The following GABRA2 variants were observed in gnomAD, a reference collection of about 807,000 sequenced individuals.
GABRA2 encodes gamma-aminobutyric acid receptor subunit alpha-2.
GABRA2 carries 16 observed loss-of-function variants against 48.7 expected under a neutral mutation model. The observed-to-expected ratio is 0.33, with a 90% CI of 0.22 to 0.50. The LOEUF is 0.50. Ranked by LOEUF, GABRA2 falls within the 20% of genes least tolerant of loss-of-function variation. The pLI, the probability that GABRA2 is intolerant of heterozygous loss-of-function variation, is 0.98. For synonymous variants in GABRA2, 185 were observed against 184.5 expected, an observed-to-expected ratio of 1.00 and a Z score of -0.02; for missense variants, 275 against 535.6, an observed-to-expected ratio of 0.51 and a Z score of 4.80.
intron 3 of GABRA2, among the ~76,000 whole-genome samples, chr4:46,348,812 T>C (rs1189627219): frequency 6.7e-6 from 1 of 148,730 alleles, no homozygotes; most frequent in Non-Finnish European, 1.5e-5. Flanking sequence ...CATTAGGAGA[T>C]ATACCTAATG....
At chr4:46,349,721 C>A (rs1734799892) in intron 3 of GABRA2, among the ~76,000 whole-genome samples, 1 of 151,874 alleles carries the variant, frequency 6.6e-6, no homozygotes, top group Admixed American at 6.6e-5. Context: ...ACTTATAACA[C>A]AGAGCTTATT....
chr4:46,298,566 C>T lies in GABRA2; in HGVS notation c.856+4894G>A, dbSNP rs146541391. ...ATTGCTATAGATCACTTTATTGTTC[C>T]TCCACCCACTTATCCGTTATTTATT... is the stretch of plus-strand genomic sequence containing the variant. On this transcript the variant is annotated intron_variant, in intron 8 of 9. Coordinates refer to ENST00000381620, the MANE Select transcript of GABRA2 (RefSeq NM_000807.4). Among the ~76,000 whole-genome samples, 1,069 of 152,018 alleles carry T rather than the reference C, an allele frequency of 7.0e-3. 3 individuals are homozygous for T. The highest frequency in any genetic ancestry group is 0.013 in the Non-Finnish European group (856 of 67,840).
intron 8 of GABRA2, among the ~76,000 whole-genome samples, chr4:46,291,591 C>A (rs1321645408): frequency 6.6e-6 from 1 of 152,000 alleles, no homozygotes; most frequent in Non-Finnish European, 1.5e-5. Flanking sequence ...AAAAGGCTAG[C>A]CTGGCTTAGC....
chr4:46,388,401 T>C (rs780761535), intron 2 of GABRA2, among the ~76,000 whole-genome samples: 7 of 152,232 alleles, frequency 4.6e-5, no homozygotes, highest in Non-Finnish European at 8.8e-5. Flanking sequence ...GATTTTCTTT[T>C]CTTCTGTGAA....
intron 6 of GABRA2, among the ~76,000 whole-genome samples, chr4:46,306,864 A>G (rs1233258506): frequency 6.6e-6 from 1 of 152,080 alleles, no homozygotes; most frequent in East Asian, 1.9e-4. Context: ...TCGCAAATCA[A>G]TTTCCACTCA....
intron 6 of GABRA2, among the ~76,000 whole-genome samples, chr4:46,309,155 C>T (rs1028597372): frequency 4.6e-5 from 7 of 152,048 alleles, no homozygotes; most frequent in Non-Finnish European, 7.4e-5. Context: ...AAATTGAGAC[C>T]TGACACCTTT....
intron 3 of GABRA2, among the ~76,000 whole-genome samples, chr4:46,350,142 T>C (rs548298766): frequency 5.3e-5 from 8 of 152,032 alleles, no homozygotes; most frequent in African/African-American, 1.7e-4. Flanking sequence ...CAGATCTGCA[T>C]TGAAATATTT....
intron 8 of GABRA2, among the ~76,000 whole-genome samples, chr4:46,274,679 CCACAA>C (rs1316687460): frequency 1.3e-5 from 2 of 151,998 alleles, no homozygotes; most frequent in Non-Finnish European, 2.9e-5. Context: ...ACAGAGTTGC[CCACAA>C]ATGTTAAATT....
At chr4:46,322,777 T>G (rs1439994891) in intron 4 of GABRA2, among the ~76,000 whole-genome samples, 1 of 151,986 alleles carries the variant, frequency 6.6e-6, no homozygotes, top group East Asian at 1.9e-4. Context: ...TGAGCCATAA[T>G]GTTTCTGATG....
chr4:46,346,359 G>A (rs1312293136), intron 3 of GABRA2, among the ~76,000 whole-genome samples: 2 of 151,514 alleles, frequency 1.3e-5, no homozygotes, highest in African/African-American at 2.4e-5. Flanking sequence ...TACTGTATTT[G>A]GACAGTCAAC....
intron 8 of GABRA2, among the ~76,000 whole-genome samples, chr4:46,298,361 AC>A (rs1323505155): frequency 2.7e-5 from 4 of 150,808 alleles, no homozygotes; most frequent in Admixed American, 2.6e-4. Flanking sequence ...AAAACTCTTA[AC>A]ATATATTTTT....
intron 8 of GABRA2, among the ~76,000 whole-genome samples, chr4:46,279,008 A>C (rs1434319606): frequency 6.6e-6 from 1 of 151,706 alleles, no homozygotes; most frequent in Non-Finnish European, 1.5e-5. Context: ...ATTATATACT[A>C]TATGTATAAT....
At chr4:46,268,522 A>G (rs1362214741) in intron 8 of GABRA2, among the ~76,000 whole-genome samples, 2 of 151,966 alleles carry the variant, frequency 1.3e-5, no homozygotes, top group Non-Finnish European at 2.9e-5. Flanking sequence ...AATGGCTGTT[A>G]TCAAAGGAAC....
At chr4:46,273,380 C>CTGTGTGTGTGTGTGTG (rs35001945) in intron 8 of GABRA2, among the ~76,000 whole-genome samples, 1 of 144,700 alleles carries the variant, frequency 6.9e-6, no homozygotes, top group East Asian at 2.1e-4. Context: ...CTCTCTCCCT[C>CTGTGTGTGTGTGTGTG]TGTGTGTGTG....
intron 8 of GABRA2, among the ~76,000 whole-genome samples, chr4:46,297,492 T>TATATATAC (rs1724956151): frequency 2.8e-5 from 1 of 35,668 alleles, no homozygotes; most frequent in African/African-American, 9.7e-5. Context: ...TATATATATA[T>TATATATAC]ATATATATAT....
At chr4:46,273,445 G>GTCTCTC (rs10686716) in intron 8 of GABRA2, among the ~76,000 whole-genome samples, 5 of 136,972 alleles carry the variant, frequency 3.7e-5, no homozygotes, top group East Asian at 2.1e-4. Context: ...TATTTAGACA[G>GTCTCTC]TCTCTCTATA....
rs200132457 is a variant in GABRA2 at position 46,249,981 on chromosome 4, G to T, written c.*327C>A. ...CCTACTTAAGAGCTAAACCAAAAGG[G>T]TCCACAAAGGGTTGTACAGGATCCC... On this transcript the variant is annotated 3_prime_UTR_variant, in exon 10 of 10. Coordinates refer to ENST00000381620, the MANE Select transcript of GABRA2 (RefSeq NM_000807.4). The T allele has an allele frequency of 4.7e-5, 10 of 211,402 alleles. No individual in the cohort carries two copies. The highest frequency in any genetic ancestry group is 3.2e-4 in the Admixed American group (6 of 18,694). 13.1% of individuals were successfully genotyped at this position (211,402 alleles called of 1,614,324 possible).
intron 4 of GABRA2, among the ~76,000 whole-genome samples, chr4:46,319,088 A>G (rs1313737670): frequency 6.6e-6 from 1 of 151,782 alleles, no homozygotes; most frequent in African/African-American, 2.4e-5. Flanking sequence ...TAAGTGTTAT[A>G]TCCATAATTT....
intron 9 of GABRA2, 106 bp downstream of exon 9, chr4:46,261,818 CAT>C: frequency 1.1e-6 from 1 of 929,060 alleles, no homozygotes; most frequent in Non-Finnish European, 1.7e-6. Context: ...GATTCAAATT[CAT>C]ATATATATGG....
Sources: allele counts gnomAD v4.1 joint callset (sites outside exome capture counted in the v4.1 genomes callset), GRCh38; gene constraint gnomAD v4.1.1; transcripts MANE v1.5; gene names NCBI Gene and HGNC (gene_info 2026-07-23, HGNC 2026-07-21).